Variants in NTM observed in about 807,000 individuals in gnomAD.
The protein encoded by NTM is neurotrimin.
In NTM, 13 loss-of-function variants were observed where a neutral mutation model predicts 42.1. The observed-to-expected ratio is 0.31, with a 90% CI of 0.20 to 0.49. The LOEUF (loss-of-function observed/expected upper bound fraction) is 0.49, where lower values mean the gene tolerates loss of function less well. Among genes scored for constraint, NTM ranks in the 20% least tolerant of loss-of-function variants. The pLI is 0.99. For synonymous variants in NTM, 187 were observed against 179.2 expected (o/e 1.04, Z -0.35); for missense variants, 373 against 452.8 (o/e 0.82, Z 1.60).
chr11:131,897,892 A>G (rs985989394), intron 1 of NTM, among the ~76,000 whole-genome samples: 1 of 152,214 alleles, frequency 6.6e-6, no homozygotes, highest in Admixed American at 6.5e-5. Context: ...GTCAATTTCC[A>G]TGTAATTATG....
intron 1 of NTM, among the ~76,000 whole-genome samples, chr11:131,732,719 T>C (rs973110497): frequency 3.3e-5 from 5 of 152,216 alleles, no homozygotes; most frequent in Non-Finnish European, 7.3e-5. Flanking sequence ...GGGTTTTATG[T>C]ATTCCTAGAG....
intron 2 of NTM, among the ~76,000 whole-genome samples, chr11:131,912,615 C>T (rs2055400011): frequency 6.6e-6 from 1 of 152,112 alleles, no homozygotes; most frequent in African/African-American, 2.4e-5. Flanking sequence ...ATGAGGTGGA[C>T]GTTAAGAAGG....
intron 2 of NTM, among the ~76,000 whole-genome samples, chr11:131,932,148 G>A (rs900298140): frequency 6.6e-6 from 1 of 152,198 alleles, no homozygotes; most frequent in East Asian, 1.9e-4. Flanking sequence ...GAATCCAGTA[G>A]TTGTCAAACA....
intron 1 of NTM, among the ~76,000 whole-genome samples, chr11:131,579,609 C>T (rs2137164434): frequency 6.6e-6 from 1 of 152,308 alleles, no homozygotes; most frequent in African/African-American, 2.4e-5. Context: ...AGACCTCTTA[C>T]AGTATTTGCA....
At chr11:132,316,876 CA>C (rs1252074682) in intron 7 of NTM, among the ~76,000 whole-genome samples, 1 of 152,162 alleles carries the variant, frequency 6.6e-6, no homozygotes, top group Non-Finnish European at 1.5e-5. Flanking sequence ...GGGAATTTTC[CA>C]TGTCAGTTTC....
intron 1 of NTM, among the ~76,000 whole-genome samples, chr11:131,504,223 A>G (rs894642099): frequency 1.3e-5 from 2 of 152,112 alleles, no homozygotes; most frequent in Non-Finnish European, 2.9e-5. Context: ...TGTCTCGCAC[A>G]GCGCATGCCT....
intron 2 of NTM, among the ~76,000 whole-genome samples, chr11:132,042,278 T>G (rs1439812032): frequency 6.6e-6 from 1 of 152,126 alleles, no homozygotes; most frequent in Non-Finnish European, 1.5e-5. Flanking sequence ...CTGTGCCCCA[T>G]GTATCAGTAG....
At chr11:132,305,152 G>A (rs1195056716) in intron 4 of NTM, among the ~76,000 whole-genome samples, 1 of 152,148 alleles carries the variant, frequency 6.6e-6, no homozygotes, top group Non-Finnish European at 1.5e-5. Flanking sequence ...CCTCCAACAG[G>A]CCTTTCCATT....
chr11:132,103,683 G>T (rs2061911155), intron 2 of NTM, among the ~76,000 whole-genome samples: 1 of 152,190 alleles, frequency 6.6e-6, no homozygotes, highest in South Asian at 2.1e-4. Flanking sequence ...TAAAAGGGAA[G>T]GTAGTGTGCA....
At chr11:131,935,987 A>T (rs757295948) in intron 2 of NTM, among the ~76,000 whole-genome samples, 1 of 152,128 alleles carries the variant, frequency 6.6e-6, no homozygotes, top group Non-Finnish European at 1.5e-5. Flanking sequence ...TAAGAGTGAT[A>T]AAAAGAGGGG....
At chr11:132,010,142 G>A (rs1167287032) in intron 2 of NTM, among the ~76,000 whole-genome samples, 2 of 152,160 alleles carry the variant, frequency 1.3e-5, no homozygotes, top group Admixed American at 1.3e-4. Context: ...TAATACCTCA[G>A]CAGCTTCTTG....
intron 1 of NTM, among the ~76,000 whole-genome samples, chr11:131,895,923 A>T (rs2052194489): frequency 6.6e-6 from 1 of 152,184 alleles, no homozygotes; most frequent in Non-Finnish European, 1.5e-5. Flanking sequence ...ACTTTCCAAG[A>T]AGAACGTCTA....
intron 3 of NTM, among the ~76,000 whole-genome samples, chr11:132,183,186 A>G (rs2077839020): frequency 6.6e-6 from 1 of 152,146 alleles, no homozygotes; most frequent in African/African-American, 2.4e-5. Flanking sequence ...TTGCTCAGGG[A>G]ATGGTTATTC....
At chr11:132,089,521 A>G (rs1423970567) in intron 2 of NTM, among the ~76,000 whole-genome samples, 2 of 152,194 alleles carry the variant, frequency 1.3e-5, no homozygotes, top group Non-Finnish European at 2.9e-5. Context: ...GGCATTTGCT[A>G]TTGTTTCTGC....
In NTM at chr11:131,430,951, C is replaced by G. The variant is rs1591644270; in HGVS notation, c.82+60063C>G. On this transcript the variant is annotated intron_variant, in intron 1 of 8. Coordinates refer to ENST00000683400, the MANE Select transcript of NTM (RefSeq NM_001352005.2). The stretch of plus-strand genomic sequence containing the variant: ...TGGATCAGAGTTAGTATCTTTCCCA[C>G]CCGCCAGGCTGTCCCCCGAGGGACT... Among the ~76,000 whole-genome samples, 5 of 152,238 alleles carry G rather than the reference C, an allele frequency of 3.3e-5. No individual in the cohort carries two copies. In the South Asian group the frequency reaches 1.0e-3, roughly 31 times the overall value.
At chr11:132,254,729 G>T (rs2139430945) in intron 4 of NTM, among the ~76,000 whole-genome samples, 1 of 152,290 alleles carries the variant, frequency 6.6e-6, no homozygotes, top group South Asian at 2.1e-4. Context: ...TGGGTTAAAG[G>T]AAATCAGTGT....
chr11:132,060,448 A>G (rs2080476907), intron 2 of NTM, among the ~76,000 whole-genome samples: 1 of 129,996 alleles, frequency 7.7e-6, no homozygotes, highest in Non-Finnish European at 1.8e-5. Context: ...GGTTGTATCC[A>G]CATTTAATGG....
intron 1 of NTM, among the ~76,000 whole-genome samples, chr11:131,528,413 G>A (rs1248150034): frequency 6.6e-6 from 1 of 152,190 alleles, no homozygotes; most frequent in Non-Finnish European, 1.5e-5. Flanking sequence ...TGTTCTATGA[G>A]AGAGGTGTTC....
At chr11:132,147,393 T>C (rs1222014845) in intron 3 of NTM, among the ~76,000 whole-genome samples, 1 of 152,116 alleles carries the variant, frequency 6.6e-6, no homozygotes, top group Non-Finnish European at 1.5e-5. Flanking sequence ...TTGGCCACTT[T>C]CTGGCTGTGA....
Sources: gnomAD v4.1 joint callset for allele counts (sites outside exome capture counted in the v4.1 genomes callset) on GRCh38, gnomAD v4.1.1 for gene constraint, MANE v1.5 for transcripts, NCBI Gene and HGNC (gene_info 2026-07-23, HGNC 2026-07-21) for gene names.